The following CDH12 variants were observed in gnomAD, a reference collection of about 807,000 sequenced individuals.
CDH12 encodes cadherin-12.
In CDH12, 41 loss-of-function variants were observed where a neutral mutation model predicts 74.1. The observed-to-expected ratio is 0.55, with a 90% CI of 0.43 to 0.72. CDH12 has a LOEUF of 0.72. Among genes scored for constraint, CDH12 ranks in the 30% least tolerant of loss-of-function variants. CDH12 has a pLI of 0.00. For synonymous variants in CDH12, 399 were observed against 355.0 expected, an observed-to-expected ratio of 1.12 and a Z score of -1.39; for missense variants, 945 against 977.2, an observed-to-expected ratio of 0.97 and a Z score of 0.44.
chr5:22,464,925 C>T (rs889070555), intron 2 of CDH12, among the ~76,000 whole-genome samples: 1 of 151,268 alleles, frequency 6.6e-6, no homozygotes, highest in African/African-American at 2.4e-5. Context: ...TGGCTTGAAC[C>T]CGGGAGGCGG....
intron 4 of CDH12, among the ~76,000 whole-genome samples, chr5:22,158,885 G>A (rs1748173462): frequency 6.6e-6 from 1 of 151,962 alleles, no homozygotes; most frequent in South Asian, 2.1e-4. Context: ...ATAAAAACAA[G>A]AATTATAATG....
At chr5:22,838,469 C>T (rs1467593329) in intron 1 of CDH12, among the ~76,000 whole-genome samples, 1 of 152,152 alleles carries the variant, frequency 6.6e-6, no homozygotes, top group Non-Finnish European at 1.5e-5. Context: ...AATTGAATCT[C>T]TTGTTCTCAT....
At chr5:22,105,907 C>G (rs1361814948) in intron 4 of CDH12, among the ~76,000 whole-genome samples, 2 of 152,048 alleles carry the variant, frequency 1.3e-5, no homozygotes, top group Non-Finnish European at 2.9e-5. Flanking sequence ...AAATGTATCA[C>G]AGGATAATAT....
intron 1 of CDH12, among the ~76,000 whole-genome samples, chr5:22,772,658 A>G (rs1028561587): frequency 2.0e-5 from 3 of 152,122 alleles, no homozygotes; most frequent in African/African-American, 7.2e-5. Flanking sequence ...AAACTTAACT[A>G]AGAAATGTAA....
intron 5 of CDH12, among the ~76,000 whole-genome samples, chr5:22,043,007 A>G (rs1323950335): frequency 6.6e-6 from 1 of 152,102 alleles, no homozygotes; most frequent in African/African-American, 2.4e-5. Flanking sequence ...TCACTGGTGA[A>G]ATCTACTGAG....
chr5:22,687,517 T>TC (rs1252308033), intron 1 of CDH12, among the ~76,000 whole-genome samples: 1 of 152,170 alleles, frequency 6.6e-6, no homozygotes, highest in Admixed American at 6.5e-5. Context: ...AAGTGATCCT[T>TC]CTGCCTCAGC....
At chr5:22,701,846 G>A (rs2126960524) in intron 1 of CDH12, among the ~76,000 whole-genome samples, 1 of 152,234 alleles carries the variant, frequency 6.6e-6, no homozygotes. Context: ...GGGTTGACAG[G>A]AAAATGTTGT....
chr5:22,557,279 C>A (rs952450957), intron 1 of CDH12, among the ~76,000 whole-genome samples: 3 of 152,016 alleles, frequency 2.0e-5, no homozygotes, highest in Admixed American at 6.6e-5. Context: ...TTCCACCCTG[C>A]AAACATTTAC....
chr5:21,887,241 C>T (rs906756393), intron 6 of CDH12, among the ~76,000 whole-genome samples: 2 of 152,058 alleles, frequency 1.3e-5, no homozygotes, highest in Non-Finnish European at 2.9e-5. Flanking sequence ...TCCCTTCTTT[C>T]ACTCCTTGCT....
chr5:22,670,362 T>C (rs146135425), intron 1 of CDH12, among the ~76,000 whole-genome samples: 96 of 152,264 alleles, frequency 6.3e-4, no homozygotes, highest in African/African-American at 2.2e-3. Flanking sequence ...TAAGATTTTA[T>C]GATTACAAAA....
At chr5:22,259,405 T>C (rs548349516) in intron 3 of CDH12, among the ~76,000 whole-genome samples, 2 of 152,232 alleles carry the variant, frequency 1.3e-5, no homozygotes, top group Admixed American at 6.6e-5. Flanking sequence ...CACGGAATTA[T>C]ATTACTCTTG....
chr5:22,248,896 C>T (rs763450434), intron 3 of CDH12, among the ~76,000 whole-genome samples: 4 of 151,958 alleles, frequency 2.6e-5, no homozygotes, highest in South Asian at 2.1e-4. Flanking sequence ...ATATTCAGAA[C>T]AAAAATGTCA....
chr5:22,498,897 GTTTC>G (rs1404079225), intron 2 of CDH12, among the ~76,000 whole-genome samples: 7 of 108,338 alleles, frequency 6.5e-5, no homozygotes, highest in African/African-American at 2.4e-4. Flanking sequence ...TTCTTTTTCT[GTTTC>G]TTTTTTTTTT....
At chr5:22,219,097 A>C (rs916662120) in intron 3 of CDH12, among the ~76,000 whole-genome samples, 5 of 151,688 alleles carry the variant, frequency 3.3e-5, no homozygotes, top group African/African-American at 1.2e-4. Flanking sequence ...TTTGACATAC[A>C]TATATCATTG....
intron 3 of CDH12, among the ~76,000 whole-genome samples, chr5:22,323,025 A>G (rs909200846): frequency 6.6e-6 from 1 of 152,186 alleles, no homozygotes; most frequent in African/African-American, 2.4e-5. Flanking sequence ...ATGACTTGTC[A>G]GGTAATAAGA....
intron 3 of CDH12, among the ~76,000 whole-genome samples, chr5:22,289,719 C>T (rs1313487267): frequency 6.6e-6 from 1 of 152,100 alleles, no homozygotes; most frequent in African/African-American, 2.4e-5. Flanking sequence ...TCTCCTGACC[C>T]CAGGCAGCAC....
chr5:21,950,135 A>G (rs542906342), intron 6 of CDH12, among the ~76,000 whole-genome samples: 1 of 151,858 alleles, frequency 6.6e-6, no homozygotes, highest in East Asian at 1.9e-4. Context: ...TTGTGTTGCA[A>G]ATGCCTACAG....
At chr5:21,772,944 A>T (rs562005590) in intron 11 of CDH12, among the ~76,000 whole-genome samples, 6 of 152,308 alleles carry the variant, frequency 3.9e-5, no homozygotes, top group African/African-American at 1.4e-4. Context: ...GATTTAAAGT[A>T]TTCTTAAGCA....
chr5:22,178,433 A>G (rs1749457018), intron 4 of CDH12, among the ~76,000 whole-genome samples: 1 of 152,294 alleles, frequency 6.6e-6, no homozygotes, highest in South Asian at 2.1e-4. Flanking sequence ...TTGAATATCT[A>G]TGTATTTCTA....
Sources: gnomAD v4.1 joint callset for allele counts (sites outside exome capture counted in the v4.1 genomes callset) on GRCh38, gnomAD v4.1.1 for gene constraint, MANE v1.5 for transcripts, NCBI Gene and HGNC (gene_info 2026-07-23, HGNC 2026-07-21) for gene names.